Variants in PLCG2 observed in about 807,000 individuals in gnomAD.
PLCG2 encodes phospholipase C gamma 2.
Under a neutral mutation model 175.6 loss-of-function variants are expected in PLCG2, and 69 were observed. The ratio of observed to expected loss-of-function variants is 0.39; its 90% CI spans 0.32 to 0.48. The LOEUF is 0.48. Ranked by LOEUF, PLCG2 falls within the 20% of genes least tolerant of loss-of-function variation. PLCG2 has a pLI of 0.91. For synonymous variants in PLCG2, 827 were observed against 624.0 expected, an observed-to-expected ratio of 1.33 and a Z score of -4.85; for missense variants, 1,798 against 1,650.9, an observed-to-expected ratio of 1.09 and a Z score of -1.54.
intron 31 of PLCG2, among the ~76,000 whole-genome samples, chr16:81,950,915 G>C (rs1284951646): frequency 1.3e-5 from 2 of 152,072 alleles, no homozygotes; most frequent in Non-Finnish European, 2.9e-5. Context: ...GAATAAAAGA[G>C]ATAGAAACCA....
intron 2 of PLCG2, among the ~76,000 whole-genome samples, chr16:81,838,722 C>T (rs554518833): frequency 6.6e-6 from 1 of 151,042 alleles, no homozygotes; most frequent in East Asian, 1.9e-4. Context: ...ACAGGTATGC[C>T]TATGTAACAA....
chr16:81,905,816 T>C (rs1909345440), intron 15 of PLCG2, among the ~76,000 whole-genome samples: 1 of 152,094 alleles, frequency 6.6e-6, no homozygotes, highest in African/African-American at 2.4e-5. Flanking sequence ...CGCACCACCA[T>C]GCCTGGCTAA....
chr16:81,830,679 T>TATAC (rs1567487124), intron 2 of PLCG2, among the ~76,000 whole-genome samples: 1 of 150,726 alleles, frequency 6.6e-6, no homozygotes, highest in African/African-American at 2.4e-5. Flanking sequence ...TATATATATA[T>TATAC]ACACACATAT....
chr16:81,887,912 G>A, intron 9 of PLCG2, among the ~76,000 whole-genome samples: 1 of 152,198 alleles, frequency 6.6e-6, no homozygotes. Flanking sequence ...CTGTGCAGCA[G>A]CTGCTTTGGA....
intron 22 of PLCG2, among the ~76,000 whole-genome samples, chr16:81,925,715 C>G (rs139325562): frequency 0.019 from 2,836 of 152,180 alleles, 84 homozygotes; most frequent in African/African-American, 0.065. Context: ...TGGTAAAACC[C>G]TGTCTCTACT....
At chr16:81,745,296 G>A (rs1043982533) in intron 1 of PLCG2, among the ~76,000 whole-genome samples, 9 of 152,088 alleles carry the variant, frequency 5.9e-5, no homozygotes, top group Non-Finnish European at 1.2e-4. Flanking sequence ...GAGAGTTGCC[G>A]GAAGCCTTCT....
chr16:81,916,802 T>C (rs1315648613), intron 19 of PLCG2, among the ~76,000 whole-genome samples: 2 of 152,142 alleles, frequency 1.3e-5, no homozygotes, highest in African/African-American at 2.4e-5. Context: ...CATGCCTGGC[T>C]AAGTTTTGTA....
intron 11 of PLCG2, 72 bp downstream of exon 11, chr16:81,891,662 C>G (rs556351749): frequency 1.2e-6 from 1 of 854,528 alleles, no homozygotes; most frequent in Non-Finnish European, 2.0e-6. Context: ...GGGTCCGATA[C>G]GCCGCTCCGG....
intron 2 of PLCG2, among the ~76,000 whole-genome samples, chr16:81,795,376 C>A (rs1319598235): frequency 6.6e-6 from 1 of 152,178 alleles, no homozygotes; most frequent in East Asian, 1.9e-4. Flanking sequence ...ATGGGAAGCT[C>A]TGTGGGGAGA....
At chr16:81,768,596 G>A (rs1018784894) in intron 2 of PLCG2, among the ~76,000 whole-genome samples, 1 of 120,468 alleles carries the variant, frequency 8.3e-6, no homozygotes, top group African/African-American at 3.3e-5. Context: ...ATGGAGTTTC[G>A]CTCTTGTTGC....
chr16:81,826,766 A>G (rs1385765877), intron 2 of PLCG2, among the ~76,000 whole-genome samples: 2 of 152,228 alleles, frequency 1.3e-5, no homozygotes, highest in African/African-American at 4.8e-5. Context: ...ATAAAGTAGC[A>G]AGAACCTTCC....
chr16:81,857,016 G>A (rs1906719069), intron 3 of PLCG2, among the ~76,000 whole-genome samples: 1 of 152,200 alleles, frequency 6.6e-6, no homozygotes, highest in South Asian at 2.1e-4. Flanking sequence ...GGAATTCAGA[G>A]ATCTCATGCA....
At position 81,912,619 on chromosome 16, in the gene PLCG2, C is replaced by T. The variant is rs755569519; in HGVS notation, c.1957C>T (p.Arg653Cys). 1.9e-6 allele frequency: 3 copies of T among 1,613,186 alleles called. No individual in the cohort carries two copies. Among genetic ancestry groups the T allele is most frequent in the Non-Finnish European group, 2.5e-6 (3 of 1,179,856 alleles). ...CAGGTGGTACTATGACAGCCTGAGC[C>T]GCGGAGAGGCAGAGGACATGCTGAT... ...SKPWYYDSLS[R>C]GEAEDMLMRI... Residue 653 changes from arginine to cysteine, a missense_variant, in exon 19 of 33, where the codon CGC becomes TGC. Transcript: ENST00000564138.
intron 2 of PLCG2, among the ~76,000 whole-genome samples, chr16:81,852,562 G>C (rs1019133893): frequency 6.6e-6 from 1 of 152,148 alleles, no homozygotes; most frequent in Non-Finnish European, 1.5e-5. Flanking sequence ...TCACCTTTGA[G>C]TCAGTCAGGT....
intron 2 of PLCG2, among the ~76,000 whole-genome samples, chr16:81,802,522 C>T (rs556786703): frequency 1.3e-5 from 2 of 152,256 alleles, no homozygotes; most frequent in South Asian, 4.1e-4. Flanking sequence ...CTACCTTGAC[C>T]TACCACCTTC....
intron 1 of PLCG2, among the ~76,000 whole-genome samples, chr16:81,754,288 C>T (rs1260213071): frequency 7.4e-6 from 1 of 135,066 alleles, no homozygotes. Context: ...CTCCCCTCCC[C>T]ACCTCCTTCC....
chr16:81,770,458 A>T (rs1386434320), intron 2 of PLCG2, among the ~76,000 whole-genome samples: 1 of 152,222 alleles, frequency 6.6e-6, no homozygotes, highest in Non-Finnish European at 1.5e-5. Flanking sequence ...CATGCCTGTA[A>T]TCCCAGCCCT....
chr16:81,902,707 C>G (rs1295007506), intron 14 of PLCG2, among the ~76,000 whole-genome samples: 1 of 152,142 alleles, frequency 6.6e-6, no homozygotes, highest in African/African-American at 2.4e-5. Flanking sequence ...TAATCACCTT[C>G]TGTGTTACCC....
At chr16:81,880,133 C>G (rs181151261) in intron 7 of PLCG2, among the ~76,000 whole-genome samples, 2 of 152,110 alleles carry the variant, frequency 1.3e-5, no homozygotes, top group Non-Finnish European at 2.9e-5. Context: ...CCTAGTTACG[C>G]AGGAAGCTAA....
Sources: allele counts gnomAD v4.1 joint callset (sites outside exome capture counted in the v4.1 genomes callset), GRCh38; gene constraint gnomAD v4.1.1; transcripts MANE v1.5; gene names NCBI Gene and HGNC (gene_info 2026-07-23, HGNC 2026-07-21).